PPIL2: variants seen among roughly 807,000 people sequenced by gnomAD.
The protein encoded by PPIL2 is RING-type E3 ubiquitin-protein ligase PPIL2.
PPIL2 carries 50 observed loss-of-function variants against 75.2 expected under a neutral mutation model. The ratio of observed to expected loss-of-function variants is 0.66; its 90% CI spans 0.53 to 0.84. PPIL2 has a LOEUF of 0.84. PPIL2 is among the 40% of genes least tolerant of loss of function. The pLI, the probability that PPIL2 is intolerant of heterozygous loss-of-function variation, is 0.00. For missense variants in PPIL2, 590 were observed against 685.0 expected (o/e 0.86, Z 1.55); for synonymous variants, 245 against 258.8 (o/e 0.95, Z 0.51).
intron 15 of PPIL2, 98 bp downstream of exon 15, chr22:21,688,947 A>G: frequency 8.6e-7 from 1 of 1,160,604 alleles, no homozygotes; most frequent in Non-Finnish European, 1.3e-6. Context: ...GCTGGTTCTG[A>G]ATCATACCCA....
At chr22:21,687,934 G>A (rs2067443179) in intron 13 of PPIL2, 139 bp from the exon 14 acceptor site, 1 of 1,204,460 alleles carries the variant, frequency 8.3e-7, no homozygotes, top group Non-Finnish European at 1.2e-6. Context: ...AAAGGGAGGT[G>A]GCTGGGAGGG....
At chr22:21,693,197 G>A (rs746053734) in intron 15 of PPIL2, among the ~76,000 whole-genome samples, 7 of 151,946 alleles carry the variant, frequency 4.6e-5, no homozygotes, top group Non-Finnish European at 8.8e-5. Flanking sequence ...ACAGGCACAC[G>A]CCACCACGCC....
At chr22:21,684,716 G>A in intron 9 of PPIL2, 37 bp from the exon 10 acceptor site, 1 of 1,608,032 alleles carries the variant, frequency 6.2e-7, no homozygotes, top group African/African-American at 1.3e-5. Context: ...AGGCTACTGG[G>A]GGCTCGGCGG....
chr22:21,677,762 C>T (rs943637698), intron 6 of PPIL2, among the ~76,000 whole-genome samples: 1 of 152,196 alleles, frequency 6.6e-6, no homozygotes, highest in African/African-American at 2.4e-5. Flanking sequence ...GAGAGCACAA[C>T]AGGCTGTGTC....
intron 2 of PPIL2, 42 bp from the exon 3 acceptor site, chr22:21,670,524 T>G (rs2066591785): frequency 6.4e-7 from 1 of 1,563,466 alleles, no homozygotes. Flanking sequence ...ATGAAATACT[T>G]TACAGAGTAA....
chr22:21,675,546 G>A (rs1041874427), intron 6 of PPIL2, among the ~76,000 whole-genome samples: 16 of 152,130 alleles, frequency 1.1e-4, no homozygotes, highest in Admixed American at 9.8e-4. Context: ...AAAAAAAAAG[G>A]TGTCACAAGA....
chr22:21,682,632 A>AGGTGGCTTTGAGGACAG, intron 8 of PPIL2, 106 bp downstream of exon 8: 1 of 600,658 alleles, frequency 1.7e-6, no homozygotes, highest in Non-Finnish European at 2.5e-6. Flanking sequence ...ATCTGTCCTC[A>AGGTGGCTTTGAGGACAG]AAGCCACCTG....
At chr22:21,685,111 C>T (rs1342924510) in intron 10 of PPIL2, among the ~76,000 whole-genome samples, 198 bp downstream of exon 10, 4 of 152,230 alleles carry the variant, frequency 2.6e-5, no homozygotes, top group African/African-American at 9.6e-5. Flanking sequence ...CAGATAGAAT[C>T]TGAGAAGGCA....
intron 1 of PPIL2, 87 bp from the exon 2 acceptor site, chr22:21,669,826 C>T: frequency 7.4e-7 from 1 of 1,353,286 alleles, no homozygotes; most frequent in Non-Finnish European, 1.1e-6. Flanking sequence ...TAAGCATTTG[C>T]TGAGTAAGCA....
chr22:21,671,136 C>T (rs766131675), intron 4 of PPIL2, 77 bp downstream of exon 4: 2 of 1,415,748 alleles, frequency 1.4e-6, no homozygotes, highest in Admixed American at 3.4e-5. Flanking sequence ...CCTTGGTACC[C>T]TTGGGTAGGG....
intron 6 of PPIL2, among the ~76,000 whole-genome samples, chr22:21,677,736 G>C (rs566084619): frequency 1.1e-4 from 16 of 152,324 alleles, no homozygotes; most frequent in African/African-American, 3.6e-4. Flanking sequence ...TATTTATTGA[G>C]TGCCTGCCAT....
rs1173686516 is a variant in PPIL2 at position 21,688,821 on chromosome 22, T to G, written c.1111T>G (p.Ser371Ala). 2 of 1,613,996 alleles carry G rather than the reference T, an allele frequency of 1.2e-6. No homozygotes were observed. Among genetic ancestry groups the G allele is most frequent in the East Asian group, 4.5e-5 (2 of 44,894 alleles). Residue 371 changes from serine (S) to alanine (A), a missense_variant, in exon 15 of 20, where the codon TCC becomes GCC. Physicochemically the swap from Ser to Ala is moderately conservative, Grantham distance 99. Transcript: ENST00000398831. The part of the protein sequence containing the change: ...TGRGILSMAN[S>A]GPNSNRSQFF... ...CCGCGGCATCCTCAGCATGGCCAAC[T>G]CCGGGCCCAACAGCAACAGGTCTCA...
chr22:21,688,163 G>T, intron 14 of PPIL2, 57 bp downstream of exon 14: 1 of 1,603,402 alleles, frequency 6.2e-7, no homozygotes. Flanking sequence ...TGGGGCATGA[G>T]GGGGTAGCTG....
At chr22:21,669,314 A>T (rs773262308) in intron 1 of PPIL2, 1 of 438,302 alleles carries the variant, frequency 2.3e-6, no homozygotes, top group East Asian at 7.1e-5. Context: ...CACCTGGCTA[A>T]GTTTTAAATT....
chr22:21,669,200 C>G, intron 1 of PPIL2: 2 of 190,002 alleles, frequency 1.1e-5, no homozygotes, highest in South Asian at 1.5e-4. Context: ...TCTCCCCCGT[C>G]CCCCAGGCTG....
At chr22:21,675,235 A>G in intron 6 of PPIL2, 120 bp downstream of exon 6, 1 of 985,270 alleles carries the variant, frequency 1.0e-6, no homozygotes, top group Middle Eastern at 2.5e-4. Context: ...CCTGCTTTTA[A>G]TTCCGCAAAA....
In PPIL2 at chr22:21,669,992, T is replaced by C. The variant is rs150513012; in HGVS notation, c.82+30T>C. The C allele has an allele frequency of 1.2e-4, 189 of 1,592,532 alleles. No individual in the cohort carries two copies. The African/African-American group carries it at 2.3e-3, about 19-fold the overall frequency. ...GGCATGCAGTCTTTCTGTTCCCCGT[T>C]GGGGGAGTGGTATTAAGGAACTGTG... On this transcript the variant is annotated intron_variant, in intron 2 of 19. Transcript: ENST00000398831.
At chr22:21,684,454 C>CAAAAA (rs1028354500) in intron 9 of PPIL2, among the ~76,000 whole-genome samples, 16 of 47,470 alleles carry the variant, frequency 3.4e-4, no homozygotes, top group African/African-American at 9.3e-4. Context: ...TCCATCTCCA[C>CAAAAA]AAAAAAAAAA....
intron 10 of PPIL2, 106 bp from the exon 11 acceptor site, chr22:21,686,376 GC>G: frequency 9.2e-7 from 1 of 1,082,122 alleles, no homozygotes; most frequent in Non-Finnish European, 1.4e-6. Context: ...ACCAAGCAGG[GC>G]CTGGGGGGCA....
Sources: allele counts gnomAD v4.1 joint callset (sites outside exome capture counted in the v4.1 genomes callset), GRCh38; gene constraint gnomAD v4.1.1; transcripts MANE v1.5; gene names NCBI Gene and HGNC (gene_info 2026-07-23, HGNC 2026-07-21).